RAE1: variants seen among roughly 807,000 people sequenced by gnomAD.
RAE1 encodes ribonucleic acid export 1.
In RAE1, 13 loss-of-function variants were observed where a neutral mutation model predicts 52.7. The ratio of observed to expected loss-of-function variants is 0.25; its 90% CI spans 0.16 to 0.39. RAE1 has a LOEUF of 0.39. RAE1 is among the 10% of genes least tolerant of loss of function. RAE1 has a pLI of 1.00. For synonymous variants in RAE1, 164 were observed against 153.1 expected (o/e 1.07, Z -0.52); for missense variants, 262 against 459.8 (o/e 0.57, Z 3.93).
chr20:57,361,624 A>G (rs1427566008), intron 4 of RAE1, among the ~76,000 whole-genome samples: 1 of 152,186 alleles, frequency 6.6e-6, no homozygotes, highest in East Asian at 1.9e-4. Context: ...TTGTTATGTC[A>G]GTCCGGAATA....
intron 4 of RAE1, chr20:57,357,583 T>G (rs2066810430): frequency 6.6e-6 from 1 of 152,132 alleles, no homozygotes; most frequent in Non-Finnish European, 1.5e-5. Flanking sequence ...AAGAGAGTGG[T>G]TTAGAAGGGT....
intron 4 of RAE1, chr20:57,357,929 A>G (rs2066816664): frequency 6.6e-6 from 1 of 152,240 alleles, no homozygotes; most frequent in Admixed American, 6.5e-5. Context: ...TGATAGCTGG[A>G]TAATAGCTAG....
chr20:57,373,317 A>G (rs548443805), intron 8 of RAE1, 158 bp from the exon 9 acceptor site: 8 of 657,882 alleles, frequency 1.2e-5, no homozygotes, highest in Middle Eastern at 4.1e-4. Flanking sequence ...TGGAGTTACT[A>G]AGGAGTTAGA....
At chr20:57,351,546 T>A (rs533892976) in intron 1 of RAE1, 124 bp downstream of exon 1, 1 of 985,330 alleles carries the variant, frequency 1.0e-6, no homozygotes, top group Non-Finnish European at 1.2e-6. Flanking sequence ...TTGACTAAGC[T>A]TCGTTACTGG....
chr20:57,369,834 G>T (rs1033654058), intron 8 of RAE1, among the ~76,000 whole-genome samples: 3 of 152,160 alleles, frequency 2.0e-5, no homozygotes, highest in Admixed American at 1.3e-4. Flanking sequence ...AAGCTAATGG[G>T]AACTTCCTCC....
intron 7 of RAE1, among the ~76,000 whole-genome samples, chr20:57,367,885 G>GT (rs568648479): frequency 7.3e-5 from 11 of 151,586 alleles, no homozygotes; most frequent in East Asian, 1.9e-4. Flanking sequence ...GATGGTCTTT[G>GT]TTTTTTTTGT....
chr20:57,352,864 C>T (rs1490426961), intron 1 of RAE1, among the ~76,000 whole-genome samples: 1 of 152,234 alleles, frequency 6.6e-6, no homozygotes, highest in Non-Finnish European at 1.5e-5. Flanking sequence ...TTTGTTCGTT[C>T]ATACAGCCAA....
intron 4 of RAE1, chr20:57,357,598 G>A (rs1568780102): frequency 1.3e-5 from 2 of 152,146 alleles, no homozygotes; most frequent in Non-Finnish European, 2.9e-5. Flanking sequence ...AAGGGTCTTG[G>A]TAATTAAATT....
At chr20:57,351,907 A>C (rs1359444259) in intron 1 of RAE1, 9 of 985,532 alleles carry the variant, frequency 9.1e-6, no homozygotes, top group Non-Finnish European at 1.1e-5. Context: ...CCGTACAGGC[A>C]GTACTTCTCC....
intron 3 of RAE1, among the ~76,000 whole-genome samples, chr20:57,355,262 AAAAG>A (rs147781832): frequency 0.024 from 3,725 of 152,332 alleles, 158 homozygotes; most frequent in African/African-American, 0.084. Context: ...ACAGTTTACT[AAAAG>A]AAAGAAAACT....
At chr20:57,353,194 T>A (rs143328919) in intron 1 of RAE1, among the ~76,000 whole-genome samples, 8 of 151,842 alleles carry the variant, frequency 5.3e-5, no homozygotes, top group Non-Finnish European at 7.4e-5. Flanking sequence ...CCTCGGGGAG[T>A]TGGAAGGAAA....
chr20:57,351,645 T>A (rs990752208), intron 1 of RAE1: 1 of 985,424 alleles, frequency 1.0e-6, no homozygotes, highest in Non-Finnish European at 1.2e-6. Context: ...ACTGAGCCTC[T>A]GGGAAGGGTC....
intron 4 of RAE1, 55 bp downstream of exon 4, chr20:57,356,593 A>T (rs1033239810): frequency 6.9e-7 from 1 of 1,442,772 alleles, no homozygotes; most frequent in African/African-American, 1.4e-5. Flanking sequence ...AGAATGATTT[A>T]GAATATTTAA....
intron 4 of RAE1, among the ~76,000 whole-genome samples, chr20:57,357,220 C>T (rs538164726): frequency 6.6e-6 from 1 of 152,302 alleles, no homozygotes; most frequent in Non-Finnish European, 1.5e-5. Context: ...AGATATAGAA[C>T]AGATCCATCG....
At position 57,378,420 on chromosome 20, in the gene RAE1, C is replaced by T. The variant is rs183869171; in HGVS notation, c.*321C>T. ...ATATTGGAAAAGCGTCTGTGAGCCCCGTGCTGTATTTTGTAATAAAGTCTT... is the reference window on the plus strand; with the variant it reads ...ATATTGGAAAAGCGTCTGTGAGCCCTGTGCTGTATTTTGTAATAAAGTCTT... On this transcript the variant is annotated 3_prime_UTR_variant, in exon 12 of 12. Transcript: ENST00000395841. 6 of 269,064 alleles carry T rather than the reference C, an allele frequency of 2.2e-5. No individual in the cohort carries two copies. Among genetic ancestry groups the T allele is most frequent in the East Asian group, 6.9e-5 (1 of 14,394 alleles). The allele number at this position is 269,064 out of a possible 1,614,324, so 16.7% of individuals were successfully genotyped here.
chr20:57,367,186 C>A (rs2146160588), intron 7 of RAE1, 107 bp downstream of exon 7: 2 of 987,498 alleles, frequency 2.0e-6, no homozygotes, highest in Non-Finnish European at 3.0e-6. Context: ...AAAAATCCTG[C>A]TAGCTTTAGT....
chr20:57,352,981 C>G (rs1481604848), intron 1 of RAE1, among the ~76,000 whole-genome samples: 1 of 152,234 alleles, frequency 6.6e-6, no homozygotes, highest in Admixed American at 6.5e-5. Context: ...GTTGCTCTGA[C>G]CTTTTGTTCT....
intron 4 of RAE1, chr20:57,358,431 G>T (rs970467930): frequency 6.6e-6 from 1 of 152,310 alleles, no homozygotes; most frequent in Non-Finnish European, 1.5e-5. Context: ...CAATCGCTGG[G>T]CTCTGCCATC....
intron 7 of RAE1, among the ~76,000 whole-genome samples, chr20:57,368,195 T>A (rs1023757372): frequency 6.6e-6 from 1 of 152,188 alleles, no homozygotes; most frequent in Admixed American, 6.5e-5. Context: ...TGGTCTTTGT[T>A]TTATGTAATA....
Sources: allele counts gnomAD v4.1 joint callset (sites outside exome capture counted in the v4.1 genomes callset), GRCh38; gene constraint gnomAD v4.1.1; transcripts MANE v1.5; gene names NCBI Gene and HGNC (gene_info 2026-07-23, HGNC 2026-07-21).